Variants in UFD1 observed in about 807,000 individuals in gnomAD.
The protein encoded by UFD1 is ubiquitin recognition factor in ER associated degradation 1.
Under a neutral mutation model 45.9 loss-of-function variants are expected in UFD1, and 13 were observed. The observed-to-expected ratio is 0.28, with a 90% CI of 0.18 to 0.45. The LOEUF is 0.45. Among genes scored for constraint, UFD1 ranks in the 20% least tolerant of loss-of-function variants. UFD1 has a pLI of 1.00. For synonymous variants in UFD1, 128 were observed against 139.2 expected (o/e 0.92, Z 0.56); for missense variants, 218 against 389.2 (o/e 0.56, Z 3.70).
Position 19,451,902 on chromosome 22 carries a change from C to T in UFD1, c.850-1158G>A, listed in dbSNP as rs1029771513. ...CCTGGACTGGCCTTTCTCTAGGTGC[C>T]GTACATGTTAGTGGGGGCTCCTTAT... On this transcript the variant is annotated intron_variant, in intron 11 of 11. Coordinates refer to ENST00000263202, the MANE Select transcript of UFD1 (RefSeq NM_005659.7). 1.4e-5 allele frequency: 14 copies of T among 985,432 alleles called. 1 individual carries two copies. In the South Asian group the frequency reaches 1.9e-4, roughly 13 times the overall value. The allele number at this position is 985,432 out of a possible 1,614,324, so 61.0% of individuals were successfully genotyped here.
chr22:19,458,599 A>G (rs1445518751), intron 6 of UFD1, among the ~76,000 whole-genome samples: 1 of 152,104 alleles, frequency 6.6e-6, no homozygotes, highest in African/African-American at 2.4e-5. Context: ...ATGTGCCACT[A>G]CACCTGGCTA....
At chr22:19,464,160 G>A in intron 6 of UFD1, among the ~76,000 whole-genome samples, 1 of 152,248 alleles carries the variant, frequency 6.6e-6, no homozygotes, top group East Asian at 1.9e-4. Flanking sequence ...GAAACTGCCA[G>A]AGAATAAGCT....
rs1403723092 is a variant in UFD1 at position 19,454,813 on chromosome 22, T to G, written c.785A>C (p.Glu262Ala). 2 of 1,613,604 alleles carry G rather than the reference T, an allele frequency of 1.2e-6. No individual in the cohort carries two copies. The highest frequency in any genetic ancestry group is 1.1e-5 in the South Asian group (1 of 90,892). The change falls in exon 11 of 12, where the codon GAA becomes GCA. Residue 262 changes from glutamate (E) to alanine (A), a missense_variant. Physicochemically the swap from Glu to Ala is moderately radical, Grantham distance 107. Coordinates refer to ENST00000263202, the MANE Select transcript of UFD1 (RefSeq NM_005659.7). ...GAAAGTTATCTTACCAAGTTTAAATTCATAATTGGGAATTCCTCTGTAAGA... is the reference window on the plus strand; with the variant it reads ...GAAAGTTATCTTACCAAGTTTAAATGCATAATTGGGAATTCCTCTGTAAGA... ...GDIKRGIPNY[E>A]FKLGKITFIR...
intron 5 of UFD1, chr22:19,465,648 G>C: frequency 4.5e-6 from 1 of 221,172 alleles, no homozygotes; most frequent in Non-Finnish European, 9.2e-6. Context: ...ACCTTTTGGG[G>C]ACATGGAAAT....
intron 3 of UFD1, 31 bp downstream of exon 3, chr22:19,475,037 T>G (rs2089871749): frequency 1.9e-6 from 3 of 1,602,398 alleles, no homozygotes; most frequent in Non-Finnish European, 2.6e-6. Flanking sequence ...GTACATTATC[T>G]AAGTCCTTAA....
intron 6 of UFD1, among the ~76,000 whole-genome samples, chr22:19,458,631 T>TG (rs1420865964): frequency 6.6e-6 from 1 of 152,076 alleles, no homozygotes; most frequent in Non-Finnish European, 1.5e-5. Flanking sequence ...GTTGTAGAGA[T>TG]GGGGTTTCAC....
intron 6 of UFD1, 49 bp from the exon 7 acceptor site, chr22:19,458,188 G>C: frequency 6.2e-7 from 1 of 1,604,716 alleles, no homozygotes; most frequent in Non-Finnish European, 8.5e-7. Flanking sequence ...GGCAGCACTG[G>C]AGCTGTCGCT....
At chr22:19,474,156 G>GAGGCAGGAGCCC (rs1462990897) in intron 3 of UFD1, among the ~76,000 whole-genome samples, 1 of 152,170 alleles carries the variant, frequency 6.6e-6, no homozygotes, top group Non-Finnish European at 1.5e-5. Flanking sequence ...CTCCTGGTAA[G>GAGGCAGGAGCCC]AGGCAGGAGC....
chr22:19,459,735 CTTT>C (rs35629488), intron 6 of UFD1, among the ~76,000 whole-genome samples: 2 of 88,978 alleles, frequency 2.2e-5, no homozygotes, highest in Non-Finnish European at 4.8e-5. Context: ...GTCTGTCTTG[CTTT>C]TTTTTTTTTT....
chr22:19,479,020 C>A, intron 1 of UFD1, 63 bp downstream of exon 1: 1 of 1,545,476 alleles, frequency 6.5e-7, no homozygotes, highest in South Asian at 1.2e-5. Context: ...CCCTGCCCCG[C>A]CGGGCCCTAC....
At chr22:19,461,148 C>G (rs551997740) in intron 6 of UFD1, among the ~76,000 whole-genome samples, 1 of 152,216 alleles carries the variant, frequency 6.6e-6, no homozygotes, top group Non-Finnish European at 1.5e-5. Flanking sequence ...GTTTATTTCA[C>G]TGAGCAGAAT....
chr22:19,467,799 C>A, intron 5 of UFD1, 74 bp downstream of exon 5: 4 of 1,580,410 alleles, frequency 2.5e-6, no homozygotes, highest in Non-Finnish European at 3.4e-6. Context: ...AGATTCAATA[C>A]AGTACATGAT....
intron 1 of UFD1, among the ~76,000 whole-genome samples, chr22:19,478,426 A>G (rs2089907990): frequency 6.6e-6 from 1 of 152,234 alleles, no homozygotes; most frequent in Non-Finnish European, 1.5e-5. Context: ...TGACTCGAAT[A>G]AAGTACCTCT....
chr22:19,456,761 C>G (rs1601888294), intron 8 of UFD1, 92 bp downstream of exon 8: 3 of 1,613,566 alleles, frequency 1.9e-6, no homozygotes, highest in Middle Eastern at 1.6e-4. Context: ...TATGACTACA[C>G]CAACACTAGC....
intron 11 of UFD1, 132 bp from the exon 12 acceptor site, chr22:19,450,876 C>G: frequency 6.5e-7 from 1 of 1,528,178 alleles, no homozygotes. Context: ...TAGCTGACAC[C>G]TGTAATCCCA....
At chr22:19,475,655 T>C in intron 1 of UFD1, 53 bp from the exon 2 acceptor site, 1 of 1,601,388 alleles carries the variant, frequency 6.2e-7, no homozygotes, top group Non-Finnish European at 8.6e-7. Context: ...TTTCTTCATG[T>C]CAAAAGCCAA....
At chr22:19,463,999 T>A (rs912387273) in intron 6 of UFD1, among the ~76,000 whole-genome samples, 8 of 152,162 alleles carry the variant, frequency 5.3e-5, no homozygotes, top group African/African-American at 1.9e-4. Context: ...TATAAAAGCT[T>A]AGAGTATTCA....
At chr22:19,458,216 T>A in intron 6 of UFD1, 77 bp from the exon 7 acceptor site, 1 of 1,499,950 alleles carries the variant, frequency 6.7e-7, no homozygotes, top group Non-Finnish European at 9.3e-7. Context: ...TTACTGTGGC[T>A]CTACTGGCTC....
Position 19,456,684 on chromosome 22 carries a change from C to G in UFD1, c.631-50G>C, listed in dbSNP as rs1366144333. On this transcript the variant is annotated intron_variant, in intron 8 of 11. Transcript: ENST00000263202. ...TGAGCTCCTCAGCGGGGACACCCAGCTTCCCTCTCACCCCCACCCCCGGCT... is the reference window on the plus strand; with the variant it reads ...TGAGCTCCTCAGCGGGGACACCCAGGTTCCCTCTCACCCCCACCCCCGGCT... 4 of 1,614,006 alleles carry G rather than the reference C, an allele frequency of 2.5e-6. No homozygotes were observed. In the Admixed American group the frequency reaches 5.0e-5, roughly 20 times the overall value.
Sources: allele counts gnomAD v4.1 joint callset (sites outside exome capture counted in the v4.1 genomes callset), GRCh38; gene constraint gnomAD v4.1.1; transcripts MANE v1.5; gene names NCBI Gene and HGNC (gene_info 2026-07-23, HGNC 2026-07-21).